Variants in TENM2 observed in about 807,000 individuals in gnomAD.
The protein encoded by TENM2 is teneurin transmembrane protein 2, also known as teneurin-2.
Under a neutral mutation model 245.2 loss-of-function variants are expected in TENM2, and 52 were observed. The observed-to-expected ratio is 0.21, with a 90% CI of 0.17 to 0.27. TENM2 has a LOEUF of 0.27. TENM2 is among the 10% of genes least tolerant of loss of function. TENM2 has a pLI of 1.00. For missense variants in TENM2, 3,046 were observed against 3,666.8 expected, an observed-to-expected ratio of 0.83 and a Z score of 4.37; for synonymous variants, 1,363 against 1,438.9, an observed-to-expected ratio of 0.95 and a Z score of 1.19.
chr5:167,042,325 A>G, the TENM2 span, among the ~76,000 whole-genome samples: 1 of 152,266 alleles, frequency 6.6e-6, no homozygotes, highest in Non-Finnish European at 1.5e-5. Flanking sequence ...CTCATTTGCA[A>G]CCAAAAGGAG....
At chr5:167,850,078 T>C (rs1436374183) in intron 2 of TENM2, among the ~76,000 whole-genome samples, 2 of 152,158 alleles carry the variant, frequency 1.3e-5, no homozygotes, top group African/African-American at 4.8e-5. Context: ...CATGCCTTGG[T>C]CTTCTGGTGA....
intron 13 of TENM2, among the ~76,000 whole-genome samples, chr5:168,178,999 G>C (rs1468575722): frequency 6.6e-6 from 1 of 152,106 alleles, no homozygotes; most frequent in Non-Finnish European, 1.5e-5. Flanking sequence ...GCCAGGCATG[G>C]TGAAGGGTGC....
At chr5:167,525,025 A>G (rs1048329188) in intron 2 of TENM2, among the ~76,000 whole-genome samples, 1 of 152,066 alleles carries the variant, frequency 6.6e-6, no homozygotes, top group Non-Finnish European at 1.5e-5. Context: ...GCTGTTAACA[A>G]GAATCATCCC....
At chr5:167,200,835 T>C in the TENM2 span, among the ~76,000 whole-genome samples, 1 of 152,090 alleles carries the variant, frequency 6.6e-6, no homozygotes, top group South Asian at 2.1e-4. Flanking sequence ...GAATATCTCA[T>C]TTGTTTGATT....
intron 2 of TENM2, among the ~76,000 whole-genome samples, chr5:167,820,366 G>A (rs1053086382): frequency 6.6e-6 from 1 of 152,224 alleles, no homozygotes; most frequent in African/African-American, 2.4e-5. Flanking sequence ...ACCTCGCTTT[G>A]TGCAGGCTTG....
At chr5:167,738,650 AT>A (rs1760967214) in intron 2 of TENM2, among the ~76,000 whole-genome samples, 1 of 152,148 alleles carries the variant, frequency 6.6e-6, no homozygotes, top group Admixed American at 6.5e-5. Context: ...ACAGAAATTT[AT>A]TTCCTGTCAG....
At chr5:167,156,825 G>A in the TENM2 span, among the ~76,000 whole-genome samples, 1 of 152,176 alleles carries the variant, frequency 6.6e-6, no homozygotes, top group South Asian at 2.1e-4. Flanking sequence ...AGAAGTTTGA[G>A]TCCAAGTGGC....
At chr5:167,914,358 C>T (rs1663540217) in intron 3 of TENM2, among the ~76,000 whole-genome samples, 1 of 152,200 alleles carries the variant, frequency 6.6e-6, no homozygotes. Flanking sequence ...TTCCTTGGCT[C>T]ATGTCCCCTC....
At chr5:168,053,513 G>A (rs1351188211) in intron 6 of TENM2, among the ~76,000 whole-genome samples, 1 of 151,544 alleles carries the variant, frequency 6.6e-6, no homozygotes, top group African/African-American at 2.4e-5. Flanking sequence ...CATACCCACG[G>A]GTATCCACAG....
At chr5:168,133,945 A>T (rs1754810630) in intron 12 of TENM2, among the ~76,000 whole-genome samples, 1 of 152,058 alleles carries the variant, frequency 6.6e-6, no homozygotes, top group Non-Finnish European at 1.5e-5. Flanking sequence ...ACTTGAGGTC[A>T]GGAGTTTGAG....
chr5:168,097,791 C>G (rs1261742544), intron 8 of TENM2, among the ~76,000 whole-genome samples: 1 of 152,070 alleles, frequency 6.6e-6, no homozygotes, highest in Non-Finnish European at 1.5e-5. Flanking sequence ...AGTTACAGCA[C>G]TACTAGCCCT....
chr5:168,047,949 C>T (rs1183720509), intron 6 of TENM2, among the ~76,000 whole-genome samples: 1 of 152,176 alleles, frequency 6.6e-6, no homozygotes, highest in Non-Finnish European at 1.5e-5. Flanking sequence ...GAGCAGCAGG[C>T]AGCACATGCC....
intron 2 of TENM2, among the ~76,000 whole-genome samples, chr5:167,819,295 G>A (rs1419529537): frequency 6.6e-6 from 1 of 152,064 alleles, no homozygotes; most frequent in African/African-American, 2.4e-5. Context: ...AGATATCTAA[G>A]TTGGGTTGGA....
intron 2 of TENM2, among the ~76,000 whole-genome samples, chr5:167,500,203 C>A (rs1035079198): frequency 4.0e-5 from 6 of 151,884 alleles, no homozygotes; most frequent in Admixed American, 6.6e-5. Flanking sequence ...GTGTGCAAAG[C>A]CTGAGAGCAG....
chr5:167,602,875 G>A (rs750570908), intron 2 of TENM2, among the ~76,000 whole-genome samples: 14 of 152,152 alleles, frequency 9.2e-5, no homozygotes, highest in Non-Finnish European at 1.9e-4. Context: ...TAGTATGGTA[G>A]TAAGTGGTCA....
chr5:167,240,821 A>G, the TENM2 span, among the ~76,000 whole-genome samples: 111 of 152,282 alleles, frequency 7.3e-4, 2 homozygotes, highest in East Asian at 0.019. Flanking sequence ...CGAATGTCTT[A>G]AGAAACCTTC....
At chr5:167,436,489 A>G (rs1446779477) in intron 2 of TENM2, among the ~76,000 whole-genome samples, 3 of 152,222 alleles carry the variant, frequency 2.0e-5, no homozygotes, top group Non-Finnish European at 4.4e-5. Context: ...TTGCAGCCTA[A>G]TAATGCGATA....
intron 2 of TENM2, among the ~76,000 whole-genome samples, chr5:167,403,822 T>C (rs1344588263): frequency 6.6e-6 from 1 of 151,836 alleles, no homozygotes; most frequent in Non-Finnish European, 1.5e-5. Context: ...AAGTTGGTGG[T>C]GACTTTGAAA....
chr5:168,076,212 T>TTGAG (rs1421964026), intron 7 of TENM2, among the ~76,000 whole-genome samples: 2 of 143,304 alleles, frequency 1.4e-5, no homozygotes, highest in Non-Finnish European at 3.0e-5. Flanking sequence ...TATTTTATTT[T>TTGAG]ATTTTATTTT....
Sources: allele counts gnomAD v4.1 joint callset (sites outside exome capture counted in the v4.1 genomes callset), GRCh38; gene constraint gnomAD v4.1.1; transcripts MANE v1.5; gene names NCBI Gene and HGNC (gene_info 2026-07-23, HGNC 2026-07-21).